Variants in RAPGEF5 observed in about 807,000 individuals in gnomAD.
RAPGEF5 encodes Rap guanine nucleotide exchange factor 5, also known as M-Ras-regulated GEF.
RAPGEF5 carries 65 observed loss-of-function variants against 125.2 expected under a neutral mutation model. The ratio of observed to expected loss-of-function variants is 0.52; its 90% CI spans 0.43 to 0.64. RAPGEF5 has a LOEUF of 0.64. Ranked by LOEUF, RAPGEF5 falls within the 30% of genes least tolerant of loss-of-function variation. The pLI is 0.00. For synonymous variants in RAPGEF5, 391 were observed against 385.9 expected (o/e 1.01, Z -0.16); for missense variants, 958 against 1,048.1 (o/e 0.91, Z 1.19).
At position 22,162,640 on chromosome 7, in the gene RAPGEF5, G is replaced by T. The variant is rs559146136; in HGVS notation, c.1284-99C>A. The T allele has an allele frequency of 5.2e-6, 6 of 1,153,708 alleles. No individual in the cohort carries two copies. In the Admixed American group the frequency reaches 8.9e-5, roughly 17 times the overall value. 71.5% of individuals were successfully genotyped at this position (1,153,708 alleles called of 1,614,324 possible). Reference sequence around the variant, plus strand: ...ACAAAATATGTGAAGGCATACAAGTGTATAAACATGCAGGAAGAATAGAAT... The same window carrying T: ...ACAAAATATGTGAAGGCATACAAGTTTATAAACATGCAGGAAGAATAGAAT... On this transcript the variant is annotated intron_variant, in intron 12 of 25. Coordinates refer to ENST00000665637, the MANE Select transcript of RAPGEF5 (RefSeq NM_012294.5).
chr7:22,183,405 C>T (rs1784736141), intron 11 of RAPGEF5, among the ~76,000 whole-genome samples: 1 of 148,400 alleles, frequency 6.7e-6, no homozygotes, highest in Admixed American at 6.8e-5. Context: ...TATTTTATTA[C>T]TTGTAATAAT....
intron 1 of RAPGEF5, among the ~76,000 whole-genome samples, chr7:22,336,051 T>C (rs1422021338): frequency 6.6e-6 from 1 of 152,158 alleles, no homozygotes; most frequent in Non-Finnish European, 1.5e-5. Context: ...CATCCCTTCC[T>C]TCCCAACGCC....
intron 5 of RAPGEF5, among the ~76,000 whole-genome samples, chr7:22,296,444 G>A (rs73683341): frequency 0.048 from 7,286 of 152,168 alleles, 210 homozygotes; most frequent in African/African-American, 0.07. Context: ...AGAATAGAAC[G>A]GGTAAGGCAG....
At chr7:22,315,306 T>C (rs1402576684) in intron 3 of RAPGEF5, 64 bp downstream of exon 3, 17 of 1,509,152 alleles carry the variant, frequency 1.1e-5, no homozygotes, top group Non-Finnish European at 1.5e-5. Flanking sequence ...GTTACAATTT[T>C]AACACAGGGT....
intron 1 of RAPGEF5, among the ~76,000 whole-genome samples, chr7:22,332,674 T>C (rs1783945514): frequency 6.6e-6 from 1 of 152,224 alleles, no homozygotes; most frequent in African/African-American, 2.4e-5. Flanking sequence ...CAGTTATAAA[T>C]TAATTCCATG....
chr7:22,136,829 T>G (rs770424498), intron 22 of RAPGEF5, 104 bp downstream of exon 22: 99 of 1,006,290 alleles, frequency 9.8e-5, no homozygotes, highest in Non-Finnish European at 1.3e-4. Flanking sequence ...TAGTCTAGGC[T>G]ACCTGACACG....
At chr7:22,319,458 A>G (rs751971064) in intron 1 of RAPGEF5, among the ~76,000 whole-genome samples, 1 of 152,232 alleles carries the variant, frequency 6.6e-6, no homozygotes, top group Non-Finnish European at 1.5e-5. Flanking sequence ...CTCTTTATCC[A>G]GAAATGCCAA....
chr7:22,231,503 C>T (rs928692898), intron 7 of RAPGEF5, among the ~76,000 whole-genome samples: 1 of 152,098 alleles, frequency 6.6e-6, no homozygotes, highest in Non-Finnish European at 1.5e-5. Context: ...TAATCCAATC[C>T]AGCTTGGGAA....
chr7:22,260,532 T>TTTAA (rs570381937), intron 7 of RAPGEF5, among the ~76,000 whole-genome samples: 6 of 124,162 alleles, frequency 4.8e-5, no homozygotes, highest in African/African-American at 1.8e-4. Flanking sequence ...TTAGGACCAG[T>TTTAA]AAAAAAAAAA....
At chr7:22,292,810 C>T (rs1377114892) in intron 5 of RAPGEF5, among the ~76,000 whole-genome samples, 1 of 152,116 alleles carries the variant, frequency 6.6e-6, no homozygotes, top group African/African-American at 2.4e-5. Flanking sequence ...TTTCTCAGAC[C>T]CCAACAGACA....
At chr7:22,169,829 T>C (rs1333961911) in intron 11 of RAPGEF5, among the ~76,000 whole-genome samples, 3 of 112,526 alleles carry the variant, frequency 2.7e-5, no homozygotes, top group Admixed American at 1.4e-4. Flanking sequence ...CACTGCCCTC[T>C]AGCCTGTGCA....
intron 24 of RAPGEF5, among the ~76,000 whole-genome samples, chr7:22,130,643 G>A (rs73276157): frequency 4.0e-4 from 61 of 152,266 alleles, no homozygotes; most frequent in African/African-American, 1.4e-3. Context: ...TTGAAAGCAT[G>A]CAGGCTGAGA....
chr7:22,194,631 AG>A, intron 9 of RAPGEF5: 1 of 985,080 alleles, frequency 1.0e-6, no homozygotes, highest in Non-Finnish European at 1.2e-6. Flanking sequence ...ATAATGTACT[AG>A]TTTTGCCAGA....
intron 11 of RAPGEF5, chr7:22,192,579 TAC>T (rs1385172767): frequency 6.6e-6 from 1 of 152,232 alleles, no homozygotes; most frequent in Non-Finnish European, 1.5e-5. Context: ...AAATGCAGGC[TAC>T]AGTCAGAGGC....
Position 22,357,106 on chromosome 7 carries a change from G to T in RAPGEF5, c.-46C>A. On this transcript the variant is annotated 5_prime_UTR_variant, in exon 1 of 26. Transcript: ENST00000665637. ...CCGGGGGCTCCTCTCCACCGCGCTC[G>T]CCTCCGCGCGCCGTCCGCGCCTTCG... 1.0e-6 allele frequency: 1 copy of T among 959,846 alleles called. No homozygotes were observed. The highest frequency in any genetic ancestry group is 1.3e-6 in the Non-Finnish European group (1 of 799,736). 59.5% of individuals were successfully genotyped at this position (959,846 alleles called of 1,614,324 possible). A position where few individuals can be genotyped will look rare whatever the true frequency, so the allele number is the denominator to read the frequency against.
chr7:22,266,054 T>C (rs188306434), intron 7 of RAPGEF5, among the ~76,000 whole-genome samples: 1 of 152,310 alleles, frequency 6.6e-6, no homozygotes. Flanking sequence ...TAAGGTATTT[T>C]GGTTCAAATA....
intron 5 of RAPGEF5, among the ~76,000 whole-genome samples, chr7:22,298,086 CTAGGG>C (rs1457607807): frequency 6.6e-6 from 1 of 151,770 alleles, no homozygotes; most frequent in Non-Finnish European, 1.5e-5. Flanking sequence ...CCTTGTATTC[CTAGGG>C]TAAACTCCCC....
chr7:22,137,319 T>C (rs888286114), intron 21 of RAPGEF5, among the ~76,000 whole-genome samples: 3 of 152,234 alleles, frequency 2.0e-5, no homozygotes, highest in Admixed American at 2.0e-4. Context: ...ATCTTCTTAA[T>C]AGTCTTCCTG....
intron 11 of RAPGEF5, among the ~76,000 whole-genome samples, chr7:22,180,156 G>T (rs1394330933): frequency 2.0e-5 from 3 of 152,110 alleles, no homozygotes; most frequent in Admixed American, 6.5e-5. Flanking sequence ...TTTCTTTGAA[G>T]AAACAAATAC....
Sources: allele counts gnomAD v4.1 joint callset (sites outside exome capture counted in the v4.1 genomes callset), GRCh38; gene constraint gnomAD v4.1.1; transcripts MANE v1.5; gene names NCBI Gene and HGNC (gene_info 2026-07-23, HGNC 2026-07-21).